RBFOX1: variants seen among roughly 807,000 people sequenced by gnomAD.
RBFOX1 encodes the protein RNA binding fox-1 homolog 1, also known as RNA binding protein fox-1 homolog 1.
RBFOX1 carries 8 observed loss-of-function variants against 57.7 expected under a neutral mutation model. That is an observed-to-expected ratio of 0.14 (90% CI 0.08 to 0.25). The LOEUF (loss-of-function observed/expected upper bound fraction) is 0.25, where lower values mean the gene tolerates loss of function less well. RBFOX1 is among the 10% of genes least tolerant of loss of function. The probability of loss-of-function intolerance (pLI) is 1.00; values close to 1 mark genes in which losing one functional copy is unlikely to be tolerated. For synonymous variants in RBFOX1, 326 were observed against 222.4 expected (o/e 1.47, Z -4.15); for missense variants, 611 against 548.5 (o/e 1.11, Z -1.14).
intron 4 of RBFOX1, among the ~76,000 whole-genome samples, chr16:7,303,795 C>T (rs1450264021): frequency 6.6e-6 from 1 of 150,512 alleles, no homozygotes; most frequent in Non-Finnish European, 1.5e-5. Context: ...CTCTCCCCTC[C>T]CTCTCTCTTC....
chr16:5,882,182 C>T (rs1473822472), intron 4 of RBFOX1, among the ~76,000 whole-genome samples: 4 of 152,194 alleles, frequency 2.6e-5, no homozygotes, highest in East Asian at 1.9e-4. Flanking sequence ...AAATCACTAA[C>T]CTCTACTGCC....
intron 1 of RBFOX1, among the ~76,000 whole-genome samples, chr16:5,277,860 A>G (rs532168829): frequency 3.3e-5 from 5 of 152,246 alleles, no homozygotes; most frequent in South Asian, 4.2e-4. Flanking sequence ...ATAGTATTCT[A>G]TTGTGCGTAT....
intron 2 of RBFOX1, among the ~76,000 whole-genome samples, chr16:5,478,725 A>C (rs574331068): frequency 7.8e-4 from 118 of 152,226 alleles, no homozygotes; most frequent in Non-Finnish European, 9.6e-4. Flanking sequence ...AAACCCCAGC[A>C]CGAGGCACCT....
intron 3 of RBFOX1, among the ~76,000 whole-genome samples, chr16:6,803,253 A>G (rs2085920514): frequency 6.6e-6 from 1 of 152,158 alleles, no homozygotes; most frequent in African/African-American, 2.4e-5. Flanking sequence ...AGCTTTCTGC[A>G]TGAAAGTGCA....
chr16:6,053,903 CACAAAA>C (rs2095582920), intron 1 of RBFOX1, among the ~76,000 whole-genome samples: 1 of 151,756 alleles, frequency 6.6e-6, no homozygotes, highest in African/African-American at 2.4e-5. Flanking sequence ...GCAAAAAGTG[CACAAAA>C]ATTAAGCATG....
At chr16:5,604,223 A>G (rs1296211087), downstream of RBFOX1, among the ~76,000 whole-genome samples, 2 of 152,344 alleles carry the variant, frequency 1.3e-5, no homozygotes, top group Non-Finnish European at 2.9e-5. Context: ...TGCGTGCTTA[A>G]GAGACTAAGT....
intron 2 of RBFOX1, among the ~76,000 whole-genome samples, chr16:5,555,658 C>G (rs1423632616): frequency 1.3e-5 from 2 of 152,102 alleles, no homozygotes; most frequent in Non-Finnish European, 2.9e-5. Flanking sequence ...ATGTGTAGCT[C>G]TGTTGAAGTG....
At chr16:6,910,287 G>C (rs180850106) in intron 3 of RBFOX1, among the ~76,000 whole-genome samples, 46 of 152,230 alleles carry the variant, frequency 3.0e-4, no homozygotes, top group African/African-American at 8.9e-4. Context: ...ATCGTGTAGG[G>C]AGTTGGGCAC....
At chr16:6,493,638 T>TTA (rs2095687266) in intron 2 of RBFOX1, among the ~76,000 whole-genome samples, 1 of 152,186 alleles carries the variant, frequency 6.6e-6, no homozygotes, top group Admixed American at 6.5e-5. Context: ...ACAAAACCCT[T>TTA]TATATAGCCT....
intron 1 of RBFOX1, among the ~76,000 whole-genome samples, chr16:6,274,113 T>C (rs1375951046): frequency 6.6e-6 from 1 of 152,178 alleles, no homozygotes; most frequent in Admixed American, 6.6e-5. Context: ...AAATGATACA[T>C]TCCCATAGCC....
At chr16:5,572,829 T>C (rs12600098) in intron 2 of RBFOX1, among the ~76,000 whole-genome samples, 167 of 152,162 alleles carry the variant, frequency 1.1e-3, no homozygotes, top group African/African-American at 3.9e-3. Context: ...AGAAGTGCAG[T>C]GGACTATGTA....
At chr16:5,457,373 G>T (rs1262634427) in intron 1 of RBFOX1, among the ~76,000 whole-genome samples, 1 of 152,174 alleles carries the variant, frequency 6.6e-6, no homozygotes, top group Non-Finnish European at 1.5e-5. Context: ...GACCTCAGGT[G>T]ATCCATCTGC....
chr16:5,742,720 G>A (rs1418219736), intron 3 of RBFOX1, among the ~76,000 whole-genome samples: 2 of 152,212 alleles, frequency 1.3e-5, no homozygotes, highest in African/African-American at 2.4e-5. Context: ...TAAAGAAAGC[G>A]AAGTGAGTGA....
At chr16:6,068,956 C>A (rs2152479166) in intron 1 of RBFOX1, among the ~76,000 whole-genome samples, 1 of 151,990 alleles carries the variant, frequency 6.6e-6, no homozygotes, top group Admixed American at 6.6e-5. Context: ...GACAGCTTTT[C>A]TTTTGTTTAT....
At chr16:7,149,051 C>A (rs2075607037) in intron 4 of RBFOX1, among the ~76,000 whole-genome samples, 1 of 152,126 alleles carries the variant, frequency 6.6e-6, no homozygotes, top group South Asian at 2.1e-4. Context: ...CCAATTCTGC[C>A]CTTGTTCTTT....
intron 4 of RBFOX1, among the ~76,000 whole-genome samples, chr16:5,927,548 C>T (rs1567156963): frequency 6.6e-6 from 1 of 152,002 alleles, no homozygotes; most frequent in Non-Finnish European, 1.5e-5. Context: ...AGGTTCCCCC[C>T]AAAAGTAGAA....
intron 1 of RBFOX1, among the ~76,000 whole-genome samples, chr16:6,296,665 C>A (rs553437780): frequency 6.6e-6 from 1 of 152,140 alleles, no homozygotes; most frequent in Non-Finnish European, 1.5e-5. Context: ...TGTGATCCAC[C>A]TGCCTCGGCC....
At chr16:5,734,610 T>C (rs2052505239) in intron 3 of RBFOX1, among the ~76,000 whole-genome samples, 1 of 152,154 alleles carries the variant, frequency 6.6e-6, no homozygotes, top group African/African-American at 2.4e-5. Context: ...TCAGGTCCAC[T>C]GATCTCAAAG....
intron 1 of RBFOX1, among the ~76,000 whole-genome samples, chr16:5,428,482 C>G (rs1308826489): frequency 6.6e-6 from 1 of 152,130 alleles, no homozygotes; most frequent in African/African-American, 2.4e-5. Flanking sequence ...GAGAGATATG[C>G]ATTCTAGTAG....
Sources: allele counts gnomAD v4.1 joint callset (sites outside exome capture counted in the v4.1 genomes callset), GRCh38; gene constraint gnomAD v4.1.1; transcripts MANE v1.5; gene names NCBI Gene and HGNC (gene_info 2026-07-23, HGNC 2026-07-21).